GREB1: variants seen among roughly 807,000 people sequenced by gnomAD.
GREB1 encodes growth regulating estrogen receptor binding 1, also known as protein GREB1.
A neutral mutation model predicts 200.7 loss-of-function variants in GREB1; 106 were observed. The observed-to-expected ratio is 0.53, with a 90% CI of 0.45 to 0.62. The LOEUF is 0.62. Among genes scored for constraint, GREB1 ranks in the 20% least tolerant of loss-of-function variants. The pLI is 0.00. For missense variants in GREB1, 2,243 were observed against 2,556.8 expected, an observed-to-expected ratio of 0.88 and a Z score of 2.65; for synonymous variants, 1,132 against 1,092.4, an observed-to-expected ratio of 1.04 and a Z score of -0.72.
chr2:11,504,619 G>A (rs527978154), intron 1 of GREB1, among the ~76,000 whole-genome samples: 3 of 152,150 alleles, frequency 2.0e-5, no homozygotes, highest in African/African-American at 4.8e-5. Flanking sequence ...TTGCATATTT[G>A]TGTGTGGGTT....
Position 11,618,296 on chromosome 2 carries a change from C to G in GREB1, c.3421C>G (p.Leu1141Val). 1 of 1,563,330 alleles carries G rather than the reference C, an allele frequency of 6.4e-7. No individual in the cohort carries two copies. ...SLSSKASGSALGGESSAQPTA... is the reference protein window; with the variant it reads ...SLSSKASGSAVGGESSAQPTA... ...TGTTCGTCTCTCCTCAGGTTCAGCG[C>G]TCGGTGGCGAGTCCTCGGCTCAGCC... The change falls in exon 22 of 33, where the codon CTC becomes GTC. Residue 1141 changes from leucine (L) to valine (V), a missense_variant. Physicochemically the swap from Leu to Val is conservative, Grantham distance 32 (BLOSUM62 1). Around this residue, in one of 3 missense-constraint regions of GREB1, gnomAD observed 587 missense variants for 553.1 expected, o/e 1.06. Transcript: ENST00000381486.
At chr2:11,630,755 AG>A (rs1684812514) in intron 26 of GREB1, among the ~76,000 whole-genome samples, 1 of 152,230 alleles carries the variant, frequency 6.6e-6, no homozygotes, top group Non-Finnish European at 1.5e-5. Context: ...TCTTTTGAAG[AG>A]GTCGTTCTGA....
At chr2:11,612,461 G>T (rs775886464) in intron 18 of GREB1, 34 bp from the exon 19 acceptor site, 2 of 1,550,612 alleles carry the variant, frequency 1.3e-6, no homozygotes, top group African/African-American at 2.7e-5. Flanking sequence ...GAAGGGAGGC[G>T]TCTGTGGCTT....
chr2:11,624,831 A>C (rs1362307614), intron 23 of GREB1, among the ~76,000 whole-genome samples: 2 of 151,964 alleles, frequency 1.3e-5, no homozygotes, highest in Non-Finnish European at 2.9e-5. Flanking sequence ...TTTTTTTTTT[A>C]AGCTCAACAG....
At chr2:11,547,275 A>G (rs577241589) in intron 1 of GREB1, among the ~76,000 whole-genome samples, 1 of 152,174 alleles carries the variant, frequency 6.6e-6, no homozygotes, top group South Asian at 2.1e-4. Flanking sequence ...ACTACTTTTC[A>G]TGGAAGAGAT....
intron 1 of GREB1, among the ~76,000 whole-genome samples, chr2:11,536,075 A>C (rs1200074183): frequency 1.3e-5 from 2 of 152,180 alleles, no homozygotes; most frequent in Admixed American, 6.5e-5. Flanking sequence ...AAGCACACAG[A>C]TTAACCATGG....
chr2:11,516,311 G>GAGGTGT (rs1673496058), intron 1 of GREB1, among the ~76,000 whole-genome samples: 1 of 143,860 alleles, frequency 7.0e-6, no homozygotes, highest in African/African-American at 2.6e-5. Context: ...TTTTCCTGCA[G>GAGGTGT]GTGTGTGTGT....
intron 9 of GREB1, 39 bp downstream of exon 9, chr2:11,585,944 A>G: frequency 6.2e-7 from 1 of 1,607,236 alleles, no homozygotes; most frequent in Non-Finnish European, 8.5e-7. Flanking sequence ...GGATGGGAGA[A>G]CCTAAAGGAA....
chr2:11,504,439 C>T (rs1401696311), intron 1 of GREB1, among the ~76,000 whole-genome samples: 13 of 152,104 alleles, frequency 8.5e-5, no homozygotes, highest in Non-Finnish European at 1.5e-5. Flanking sequence ...TATGTTGAAG[C>T]GATTTTTAGT....
intron 4 of GREB1, among the ~76,000 whole-genome samples, chr2:11,573,713 T>G (rs1678546736): frequency 6.6e-6 from 1 of 152,210 alleles, no homozygotes; most frequent in South Asian, 2.1e-4. Flanking sequence ...GCAGTTTGCT[T>G]GCTGAGTCCC....
chr2:11,612,439 T>C, intron 18 of GREB1, 56 bp from the exon 19 acceptor site: 1 of 1,517,252 alleles, frequency 6.6e-7, no homozygotes, highest in Non-Finnish European at 9.1e-7. Flanking sequence ...TCCTCTGAGC[T>C]GGGCTGGTTG....
chr2:11,588,737 C>A lies in GREB1; in HGVS notation c.1160-9C>A. 6.2e-7 allele frequency: 1 copy of A among 1,613,772 alleles called. No individual in the cohort carries two copies. The highest frequency in any genetic ancestry group is 1.1e-5 in the South Asian group (1 of 91,070). ...GACTGGGTGCCAAGTCGCTGCTGTT[C>A]CTCTGCAGGCCATGGGAACTTCCCT... On this transcript the variant is annotated splice_polypyrimidine_tract_variant and intron_variant, in intron 9 of 32. Coordinates refer to ENST00000381486, the MANE Select transcript of GREB1 (RefSeq NM_014668.4).
chr2:11,592,091 GTC>G (rs1680779059), intron 10 of GREB1: 2 of 981,410 alleles, frequency 2.0e-6, no homozygotes, highest in Admixed American at 1.2e-4. Flanking sequence ...AGTGTAACCT[GTC>G]TATACCACCG....
At chr2:11,576,238 T>C (rs1437925172) in intron 4 of GREB1, 115 bp from the exon 5 acceptor site, 1 of 776,862 alleles carries the variant, frequency 1.3e-6, no homozygotes. Context: ...ACCTGGGAGA[T>C]AGAGGTTGCA....
rs544614625 is a variant in GREB1 at position 11,609,848 on chromosome 2, G to A, written c.2667-840G>A. 7.9e-5 allele frequency among the ~76,000 whole-genome samples: 12 copies of A among 152,324 alleles called. No individual in the cohort carries two copies. In the South Asian group the frequency reaches 2.5e-3, roughly 32 times the overall value. On this transcript the variant is annotated intron_variant, in intron 17 of 32. Transcript: ENST00000381486. ...CACGGTATGGTACTCATTTTTGTAG[G>A]TCGAGAAACTACCTTACCTTTGCTA...
At position 11,618,713 on chromosome 2, in the gene GREB1, G is replaced by A; in HGVS notation, c.3838G>A (p.Ala1280Thr). 3.1e-6 allele frequency: 5 copies of A among 1,613,640 alleles called. No individual in the cohort carries two copies. The highest frequency in any genetic ancestry group is 3.4e-6 in the Non-Finnish European group (4 of 1,179,896). ...VSTDSSGLPK[A>T]ASLLPSPSVM... ...CACTGACAGCAGTGGCCTGCCCAAG[G>A]CCGCCTCCCTCCTGCCCTCCCCCTC... The change falls in exon 22 of 33, where the codon GCC (alanine) becomes ACC (threonine). Residue 1280 changes from alanine (A) to threonine (T), a missense_variant. Physicochemically the swap from Ala to Thr is moderately conservative, Grantham distance 58 (BLOSUM62 0). Coordinates refer to ENST00000381486, the MANE Select transcript of GREB1 (RefSeq NM_014668.4).
At chr2:11,557,536 G>T (rs1046356343) in intron 2 of GREB1, among the ~76,000 whole-genome samples, 1 of 152,212 alleles carries the variant, frequency 6.6e-6, no homozygotes, top group Non-Finnish European at 1.5e-5. Context: ...GTGCTGGGGT[G>T]GTCTTGCTGT....
At position 11,595,009 on chromosome 2, in the gene GREB1, A is replaced by T. The variant is rs11686429; in HGVS notation, c.1697-242A>T. Reference sequence around the variant, plus strand: ...GTGCCTGGCCTTTTTTTTTTTTTTTAAATAAATTATTTACCTTGATGTGAG... The same window carrying T: ...GTGCCTGGCCTTTTTTTTTTTTTTTTAATAAATTATTTACCTTGATGTGAG... On this transcript the variant is annotated intron_variant, in intron 11 of 32. Coordinates refer to ENST00000381486, the MANE Select transcript of GREB1 (RefSeq NM_014668.4). 0.51 allele frequency among the ~76,000 whole-genome samples: 72,618 copies of T among 143,764 alleles called. 18,080 individuals carry two copies. Among genetic ancestry groups the T allele is most frequent in the Middle Eastern group, 0.59 (165 of 278 alleles). 94.3% of individuals were successfully genotyped at this position (143,764 alleles called of 152,430 possible).
chr2:11,627,630 A>G (rs929586062), intron 25 of GREB1, among the ~76,000 whole-genome samples: 2 of 152,214 alleles, frequency 1.3e-5, no homozygotes, highest in Admixed American at 1.3e-4. Context: ...CACTTTTTAT[A>G]TATCAGTCTC....
Sources: allele counts gnomAD v4.1 joint callset (sites outside exome capture counted in the v4.1 genomes callset), GRCh38; gene constraint gnomAD v4.1.1; regional missense constraint gnomAD v4.1.1; transcripts MANE v1.5; gene names NCBI Gene and HGNC (gene_info 2026-07-23, HGNC 2026-07-21).